The following FTO variants were observed in gnomAD, a reference collection of about 807,000 sequenced individuals.
FTO encodes the protein FTO alpha-ketoglutarate dependent dioxygenase, also known as alpha-ketoglutarate-dependent dioxygenase FTO.
Under a neutral mutation model 63.9 loss-of-function variants are expected in FTO, and 47 were observed. The observed-to-expected ratio is 0.74, with a 90% confidence interval of 0.58 to 0.94. The LOEUF is 0.94. FTO is among the 40% of genes least tolerant of loss of function. The pLI is 0.00. For synonymous variants in FTO, 207 were observed against 224.4 expected (o/e 0.92, Z 0.69); for missense variants, 562 against 618.1 (o/e 0.91, Z 0.96).
chr16:54,013,106 T>C, intron 8 of FTO, among the ~76,000 whole-genome samples: 1 of 152,154 alleles, frequency 6.6e-6, no homozygotes, highest in South Asian at 2.1e-4. Context: ...CTAGACACTG[T>C]TAAGAAAATT....
chr16:53,940,977 T>C (rs925423623), intron 8 of FTO, among the ~76,000 whole-genome samples: 5 of 152,196 alleles, frequency 3.3e-5, no homozygotes, highest in Non-Finnish European at 5.9e-5. Context: ...ACCTAGAATG[T>C]GTAATGAATA....
chr16:53,928,815 C>T (rs935946252), intron 7 of FTO, among the ~76,000 whole-genome samples: 1 of 151,814 alleles, frequency 6.6e-6, no homozygotes, highest in African/African-American at 2.4e-5. Flanking sequence ...TGGTATACAA[C>T]CCTATAGGTT....
At chr16:54,003,017 T>C (rs111283777) in intron 8 of FTO, among the ~76,000 whole-genome samples, 9 of 152,338 alleles carry the variant, frequency 5.9e-5, no homozygotes, top group African/African-American at 9.6e-5. Context: ...TACTGGGTCC[T>C]TGGGGAAAGA....
intron 1 of FTO, among the ~76,000 whole-genome samples, chr16:53,770,106 G>A (rs2077299472): frequency 6.6e-6 from 1 of 152,066 alleles, no homozygotes; most frequent in African/African-American, 2.4e-5. Context: ...TGAAAAAAAT[G>A]TATTGACTCC....
At chr16:54,058,323 A>G (rs2085486478) in intron 8 of FTO, among the ~76,000 whole-genome samples, 3 of 152,110 alleles carry the variant, frequency 2.0e-5, no homozygotes, top group Non-Finnish European at 2.9e-5. Flanking sequence ...GGGTTTTGCC[A>G]TGTTGGCCAG....
chr16:53,710,168 T>TTTCA (rs2075731186), intron 1 of FTO, among the ~76,000 whole-genome samples: 1 of 150,836 alleles, frequency 6.6e-6, no homozygotes, highest in African/African-American at 2.4e-5. Context: ...GCAAGCTATC[T>TTTCA]TTTATTTATT....
chr16:53,904,180 A>T (rs2081478331), intron 7 of FTO, among the ~76,000 whole-genome samples: 1 of 151,928 alleles, frequency 6.6e-6, no homozygotes, highest in Admixed American at 6.6e-5. Flanking sequence ...GTATCATCAG[A>T]CTTTTTTGCA....
rs566343379 is a variant in FTO at position 53,977,060 on chromosome 16, A to AT, written c.1364+42959dup. ...TAGTAGGGATAATAGGCACCCTTTG[A>AT]TTTTTTTTCCTGTTGTTAATTAGGA... On this transcript the variant is annotated intron_variant, in intron 8 of 8. Coordinates refer to ENST00000471389, the MANE Select transcript of FTO (RefSeq NM_001080432.3). 2.0e-4 allele frequency among the ~76,000 whole-genome samples: 30 copies of AT among 151,938 alleles called. No individual in the cohort carries two copies. In the South Asian group the frequency reaches 2.1e-3, roughly 11 times the overall value.
intron 7 of FTO, among the ~76,000 whole-genome samples, chr16:53,930,224 T>C (rs1047889896): frequency 8.0e-6 from 1 of 125,098 alleles, no homozygotes; most frequent in Non-Finnish European, 1.7e-5. Flanking sequence ...TTATCTTCTT[T>C]TTTTTTTTTT....
At chr16:54,051,589 C>G (rs553232702) in intron 8 of FTO, among the ~76,000 whole-genome samples, 2 of 152,342 alleles carry the variant, frequency 1.3e-5, no homozygotes, top group African/African-American at 2.4e-5. Flanking sequence ...TTTCCTCCCC[C>G]CTCAGTTTCT....
rs374903393 is a variant in FTO, at chr16:54,041,532, G to A, written c.1365-70230G>A. Reference sequence around the variant, plus strand: ...AGAAATACATGGCTATGAGGATTCCGTTGCCATTTTCCTTATCTCATATAG... The same window carrying A: ...AGAAATACATGGCTATGAGGATTCCATTGCCATTTTCCTTATCTCATATAG... On this transcript the variant is annotated intron_variant, in intron 8 of 8. Transcript: ENST00000471389. Among the ~76,000 whole-genome samples the A allele has an allele frequency of 4.2e-4, 64 of 152,192 alleles. 1 individual carries two copies. In the South Asian group the frequency reaches 0.012, roughly 30 times the overall value.
At chr16:53,931,167 G>T (rs2082271619) in intron 7 of FTO, among the ~76,000 whole-genome samples, 1 of 151,968 alleles carries the variant, frequency 6.6e-6, no homozygotes, top group Non-Finnish European at 1.5e-5. Flanking sequence ...CATTTTAATA[G>T]ATTCACAGGG....
rs1437435228 is a variant in FTO at position 54,118,306 on chromosome 16, C to G, written c.*6391C>G. ...CAGATCCTGTGTGCTTCGGGTAATTCTGACCCTCTTCATTAGTGATAATGG... is the reference window on the plus strand; with the variant it reads ...CAGATCCTGTGTGCTTCGGGTAATTGTGACCCTCTTCATTAGTGATAATGG... On this transcript the variant is annotated 3_prime_UTR_variant, in exon 9 of 9. Transcript: ENST00000471389. 6.6e-6 allele frequency: 1 copy of G among 151,882 alleles called. No homozygotes were observed. Among genetic ancestry groups the G allele is most frequent in the Non-Finnish European group, 1.5e-5 (1 of 67,996 alleles). 9.4% of individuals were successfully genotyped at this position (151,882 alleles called of 1,614,324 possible).
At chr16:53,749,227 T>C (rs941325420) in intron 1 of FTO, among the ~76,000 whole-genome samples, 1 of 152,174 alleles carries the variant, frequency 6.6e-6, no homozygotes, top group Non-Finnish European at 1.5e-5. Context: ...ATTTGTAGGG[T>C]TTTTAATATG....
intron 8 of FTO, among the ~76,000 whole-genome samples, chr16:53,941,529 G>A (rs10521302): frequency 0.56 from 85,313 of 152,060 alleles, 24,523 homozygotes; most frequent in Middle Eastern, 0.7. Flanking sequence ...AGGATTGGAC[G>A]TTTGTTTGTT....
chr16:53,917,709 A>AGTGTGTGTGTGTGT (rs35549801), intron 7 of FTO, among the ~76,000 whole-genome samples: 9 of 143,018 alleles, frequency 6.3e-5, no homozygotes, highest in Admixed American at 2.8e-4. Context: ...AAATTGAGTG[A>AGTGTGTGTGTGTGT]GTGTGTGTGT....
chr16:53,875,066 A>G (rs916012851), intron 5 of FTO, among the ~76,000 whole-genome samples: 8 of 132,338 alleles, frequency 6.0e-5, no homozygotes, highest in African/African-American at 2.0e-4. Flanking sequence ...GGTAAGGACG[A>G]ACAGAGGAAG....
At chr16:53,868,010 G>T (rs1318497586) in intron 4 of FTO, among the ~76,000 whole-genome samples, 1 of 152,018 alleles carries the variant, frequency 6.6e-6, no homozygotes. Context: ...AGGCACTCCA[G>T]CTTTCTTTAG....
At position 53,837,176 on chromosome 16, in the gene FTO, A is replaced by G. The variant is rs529001930; in HGVS notation, c.752-6979A>G. Among the ~76,000 whole-genome samples the G allele has an allele frequency of 2.0e-5, 3 of 152,324 alleles. No homozygotes were observed. In the South Asian group the frequency reaches 6.2e-4, roughly 32 times the overall value. On this transcript the variant is annotated intron_variant, in intron 3 of 8. Coordinates refer to ENST00000471389, the MANE Select transcript of FTO (RefSeq NM_001080432.3). ...TTTGAAGCTTTAGCTAATGGCCCGC[A>G]TAGCAGTTTTTCTCTCCTTTTCATA...
Sources: allele counts gnomAD v4.1 joint callset (sites outside exome capture counted in the v4.1 genomes callset), GRCh38; gene constraint gnomAD v4.1.1; transcripts MANE v1.5; gene names NCBI Gene and HGNC (gene_info 2026-07-23, HGNC 2026-07-21).